Variants in PTPRD observed in about 807,000 individuals in gnomAD.
The protein encoded by PTPRD is receptor-type tyrosine-protein phosphatase delta.
Under a neutral mutation model 214.5 loss-of-function variants are expected in PTPRD, and 34 were observed. The ratio of observed to expected loss-of-function variants is 0.16; its 90% CI spans 0.12 to 0.21. PTPRD has a LOEUF of 0.21. PTPRD is among the 10% of genes least tolerant of loss of function. The probability of loss-of-function intolerance (pLI) is 1.00; values close to 1 mark genes in which losing one functional copy is unlikely to be tolerated. For missense variants in PTPRD, 2,545 were observed against 2,398.7 expected, an observed-to-expected ratio of 1.06 and a Z score of -1.27; for synonymous variants, 1,128 against 845.7, an observed-to-expected ratio of 1.33 and a Z score of -5.79.
At chr9:10,592,856 G>T (rs1193229642) in intron 2 of PTPRD, among the ~76,000 whole-genome samples, 1 of 151,932 alleles carries the variant, frequency 6.6e-6, no homozygotes, top group Non-Finnish European at 1.5e-5. Flanking sequence ...ACGGAACATG[G>T]GCGGGGACTA....
intron 3 of PTPRD, among the ~76,000 whole-genome samples, chr9:10,064,536 C>G (rs369127458): frequency 6.6e-6 from 1 of 152,004 alleles, no homozygotes; most frequent in South Asian, 2.1e-4. Flanking sequence ...AATGGTCTAT[C>G]ATTTTAAGCA....
At chr9:9,168,868 G>T (rs926002180) in intron 10 of PTPRD, among the ~76,000 whole-genome samples, 3 of 151,612 alleles carry the variant, frequency 2.0e-5, no homozygotes, top group East Asian at 1.9e-4. Context: ...CTGTCTTTTA[G>T]ATTTTTTTAA....
chr9:8,492,009 T>C (rs2097160692), intron 27 of PTPRD, among the ~76,000 whole-genome samples: 1 of 152,222 alleles, frequency 6.6e-6, no homozygotes, highest in Non-Finnish European at 1.5e-5. Flanking sequence ...CAATGCCAGA[T>C]TTTCCTTCAT....
intron 11 of PTPRD, among the ~76,000 whole-genome samples, chr9:8,928,126 C>T (rs2098916939): frequency 1.3e-5 from 2 of 152,084 alleles, no homozygotes; most frequent in African/African-American, 4.8e-5. Context: ...GGATAGATTG[C>T]AAAAATTTTC....
intron 10 of PTPRD, among the ~76,000 whole-genome samples, chr9:9,041,846 A>C (rs935761068): frequency 1.3e-5 from 2 of 152,168 alleles, no homozygotes; most frequent in African/African-American, 4.8e-5. Context: ...CTCCTACTCA[A>C]CTGTACTGGC....
intron 15 of PTPRD, among the ~76,000 whole-genome samples, chr9:8,527,667 A>C (rs577585941): frequency 6.6e-6 from 1 of 152,256 alleles, no homozygotes; most frequent in African/African-American, 2.4e-5. Context: ...TAAACAGCTT[A>C]TTATTATATA....
At chr9:8,847,855 T>G (rs1054000623) in intron 11 of PTPRD, among the ~76,000 whole-genome samples, 7 of 152,172 alleles carry the variant, frequency 4.6e-5, no homozygotes, top group Admixed American at 2.0e-4. Context: ...AACAAAAGTT[T>G]CTCAGATAAA....
At chr9:9,663,422 C>T (rs1324684002) in intron 7 of PTPRD, among the ~76,000 whole-genome samples, 2 of 151,402 alleles carry the variant, frequency 1.3e-5, no homozygotes, top group African/African-American at 2.4e-5. Context: ...ACAGTATCTT[C>T]ATAAGATGGT....
rs2098640098 is a variant in PTPRD, at chr9:10,428,025, A to T, written c.-599-87008T>A. ...ATAAATACAATTTAAACCTCATTTA[A>T]GTGTTCCTGGACGGGCACGGTGGCT... is the stretch of plus-strand genomic sequence containing the variant. On this transcript the variant is annotated intron_variant, in intron 2 of 45. Coordinates refer to ENST00000381196, the MANE Select transcript of PTPRD (RefSeq NM_002839.4). Among the ~76,000 whole-genome samples the T allele has an allele frequency of 2.0e-5, 3 of 152,052 alleles. No homozygotes were observed. In the South Asian group the frequency reaches 6.2e-4, roughly 32 times the overall value.
At chr9:8,839,073 T>C (rs1403872032) in intron 11 of PTPRD, among the ~76,000 whole-genome samples, 2 of 151,904 alleles carry the variant, frequency 1.3e-5, no homozygotes, top group Non-Finnish European at 2.9e-5. Flanking sequence ...ATGACTACAG[T>C]CAATATGCCT....
At chr9:9,158,369 A>T (rs1021903830) in intron 10 of PTPRD, among the ~76,000 whole-genome samples, 8 of 152,136 alleles carry the variant, frequency 5.3e-5, no homozygotes, top group African/African-American at 1.9e-4. Flanking sequence ...TGGGATGCTG[A>T]GGCAGGCAGA....
rs559930509 is a variant in PTPRD at position 8,315,523 on chromosome 9, T to G, written c.*2351A>C. On this transcript the variant is annotated 3_prime_UTR_variant, in exon 46 of 46. Coordinates refer to ENST00000381196, the MANE Select transcript of PTPRD (RefSeq NM_002839.4). ...GATAAATCTCCAAAAAGATACAAAC[T>G]AAAAGAAAATAATGATAACAGACCC... The G allele has an allele frequency of 2.2e-5, 5 of 231,888 alleles. No individual in the cohort carries two copies. The South Asian group carries it at 9.1e-4, about 42-fold the overall frequency. The allele number at this position is 231,888 out of a possible 1,614,324, so 14.4% of individuals were successfully genotyped here. A position where few individuals can be genotyped will look rare whatever the true frequency, so the allele number is the denominator to read the frequency against.
intron 37 of PTPRD, among the ~76,000 whole-genome samples, chr9:8,380,288 C>T (rs1482943588): frequency 2.0e-5 from 3 of 152,126 alleles, no homozygotes; most frequent in Non-Finnish European, 4.4e-5. Flanking sequence ...TGTTTCTAAA[C>T]CTCCTTGTTC....
intron 10 of PTPRD, among the ~76,000 whole-genome samples, chr9:9,066,197 G>C (rs1008564731): frequency 6.6e-6 from 1 of 152,038 alleles, no homozygotes; most frequent in Non-Finnish European, 1.5e-5. Flanking sequence ...AAATCAATTA[G>C]GATGGGTCCT....
chr9:9,057,234 C>T (rs2099697974), intron 10 of PTPRD, among the ~76,000 whole-genome samples: 2 of 152,136 alleles, frequency 1.3e-5, no homozygotes, highest in Admixed American at 1.3e-4. Context: ...CAAAAGATTA[C>T]TCTGCCACAC....
chr9:10,532,455 A>T (rs2056626077), intron 2 of PTPRD: 1 of 151,260 alleles, frequency 6.6e-6, no homozygotes. Flanking sequence ...TAAATAAATA[A>T]ATAAATAAAA....
intron 8 of PTPRD, among the ~76,000 whole-genome samples, chr9:9,518,520 G>A (rs1370761849): frequency 6.6e-6 from 1 of 152,030 alleles, no homozygotes; most frequent in Non-Finnish European, 1.5e-5. Context: ...GCATAATAGG[G>A]TAGGTCAATG....
intron 9 of PTPRD, among the ~76,000 whole-genome samples, chr9:9,230,727 T>C (rs1040782569): frequency 1.3e-5 from 2 of 152,106 alleles, no homozygotes; most frequent in African/African-American, 4.8e-5. Context: ...GTTGCGCATA[T>C]AGAGAAACAG....
At chr9:10,360,842 C>A (rs963270315) in intron 2 of PTPRD, among the ~76,000 whole-genome samples, 1 of 152,146 alleles carries the variant, frequency 6.6e-6, no homozygotes, top group African/African-American at 2.4e-5. Flanking sequence ...GTGGCTCACG[C>A]CTGTAATCCC....
Sources: gnomAD v4.1 joint callset for allele counts (sites outside exome capture counted in the v4.1 genomes callset) on GRCh38, gnomAD v4.1.1 for gene constraint, MANE v1.5 for transcripts, NCBI Gene and HGNC (gene_info 2026-07-23, HGNC 2026-07-21) for gene names.